Variants in HK1 observed in about 807,000 individuals in gnomAD.
The protein encoded by HK1 is hexokinase 1.
Under a neutral mutation model 91.6 loss-of-function variants are expected in HK1, and 28 were observed. The ratio of observed to expected loss-of-function variants is 0.31; its 90% CI spans 0.23 to 0.42. The LOEUF (loss-of-function observed/expected upper bound fraction) is 0.42. HK1 is among the 10% of genes least tolerant of loss of function. The pLI is 1.00. For synonymous variants in HK1, 430 were observed against 468.1 expected (o/e 0.92, Z 1.05); for missense variants, 770 against 1,219.8 (o/e 0.63, Z 5.49).
At chr10:69,398,486 C>G (rs1404225767) in intron 16 of HK1, 109 bp from the exon 17 acceptor site, 1 of 797,802 alleles carries the variant, frequency 1.3e-6, no homozygotes, top group Non-Finnish European at 2.1e-6. Flanking sequence ...TTGACTCTGT[C>G]TGTGGATGAG....
chr10:69,313,558 G>T (rs1209299916), upstream of HK1, among the ~76,000 whole-genome samples: 1 of 152,162 alleles, frequency 6.6e-6, no homozygotes, highest in Non-Finnish European at 1.5e-5. Context: ...TGCCTCCCGG[G>T]TTCAAGCGAT....
chr10:69,347,043 CT>C (rs776405511), intron 2 of HK1, among the ~76,000 whole-genome samples: 159 of 146,170 alleles, frequency 1.1e-3, no homozygotes, highest in African/African-American at 2.4e-3. Context: ...TTTTCTTTTC[CT>C]TTTTTTTTTT....
chr10:69,399,050 G>A (rs1840271436), intron 17 of HK1, among the ~76,000 whole-genome samples: 1 of 152,208 alleles, frequency 6.6e-6, no homozygotes, highest in African/African-American at 2.4e-5. Flanking sequence ...CACTTGGCCA[G>A]CTCACACCAG....
intron 2 of HK1, among the ~76,000 whole-genome samples, chr10:69,287,756 G>A (rs942585958): frequency 1.3e-5 from 2 of 152,108 alleles, no homozygotes; most frequent in Non-Finnish European, 2.9e-5. Context: ...TTTGGTATGT[G>A]AGTTATAGCT....
rs1199449576 is a variant in HK1 at position 69,380,291 on chromosome 10, C to T, written c.1265+196C>T. On this transcript the variant is annotated intron_variant, in intron 9 of 17. Transcript: ENST00000359426. The surrounding 1 kb of genome is among the most constrained non-coding windows in gnomAD (Gnocchi z 4.0). ...GGAAGGAGTTTGAGAACAGCCTGGG[C>T]AACATAGTAAGACCTCATCTTTACG... 6.6e-6 allele frequency among the ~76,000 whole-genome samples: 1 copy of T among 151,990 alleles called. No individual in the cohort carries two copies. Among genetic ancestry groups the T allele is most frequent in the Non-Finnish European group, 1.5e-5 (1 of 67,994 alleles).
At chr10:69,326,194 A>C (rs1847366079) in intron 1 of HK1, among the ~76,000 whole-genome samples, 1 of 150,552 alleles carries the variant, frequency 6.6e-6, no homozygotes, top group Admixed American at 6.6e-5. Flanking sequence ...CGTGAGTGTC[A>C]TGTCGGGTAT....
chr10:69,299,948 C>T (rs1035976857), intron 4 of HK1, among the ~76,000 whole-genome samples: 1 of 151,638 alleles, frequency 6.6e-6, no homozygotes, highest in African/African-American at 2.4e-5. Context: ...GCCTCAGCCA[C>T]CGTACCCGGC....
chr10:69,361,402 TC>T (rs1192761300), intron 3 of HK1, among the ~76,000 whole-genome samples: 1 of 152,240 alleles, frequency 6.6e-6, no homozygotes, highest in Admixed American at 6.5e-5. Flanking sequence ...GCATTGCTTC[TC>T]CTTGCAGGTG....
chr10:69,356,983 A>T (rs1487016264), intron 2 of HK1, among the ~76,000 whole-genome samples: 4 of 152,194 alleles, frequency 2.6e-5, no homozygotes, highest in Non-Finnish European at 5.9e-5. Context: ...AGCACATAGA[A>T]ATGTACTCAA....
chr10:69,358,313 C>T (rs769893382), intron 2 of HK1, among the ~76,000 whole-genome samples: 46 of 152,170 alleles, frequency 3.0e-4, no homozygotes, highest in East Asian at 1.9e-4. Context: ...TGCCCATGGC[C>T]GCCTGCCTTT....
intron 1 of HK1, among the ~76,000 whole-genome samples, chr10:69,341,292 G>T (rs1475400210): frequency 6.6e-6 from 1 of 151,768 alleles, no homozygotes; most frequent in Non-Finnish European, 1.5e-5. Flanking sequence ...CTCCCGAGTA[G>T]CTGGGACTAC....
At position 69,305,193 on chromosome 10, in the gene HK1, G is replaced by A. The variant is rs150044535; in HGVS notation, c.27+4332G>A. Among the ~76,000 whole-genome samples the A allele has an allele frequency of 2.8e-3, 420 of 152,308 alleles. 1 individual carries two copies. The highest frequency in any genetic ancestry group is 9.6e-3 in the African/African-American group (397 of 41,562). On this transcript the variant is annotated intron_variant, in intron 5 of 21. Coordinates refer to the HK1 transcript ENST00000360289. ...GTCAGCGGGAAGGAGGAATGGCAAA[G>A]AAGCAGGAAAGCCACAGAATAGCTG...
intron 5 of HK1, among the ~76,000 whole-genome samples, chr10:69,310,503 A>G (rs1171024352): frequency 1.3e-5 from 2 of 151,926 alleles, no homozygotes; most frequent in Non-Finnish European, 2.9e-5. Context: ...TAACTTGCTG[A>G]CCCATGTCAT....
intron 1 of HK1, among the ~76,000 whole-genome samples, chr10:69,331,118 G>A (rs527876916): frequency 3.2e-4 from 49 of 152,214 alleles, no homozygotes; most frequent in African/African-American, 1.2e-3. Context: ...GGCCTCAAGT[G>A]ATCTGCCCGC....
chr10:69,382,494 C>T lies in HK1; in HGVS notation c.1273C>T (p.Arg425Trp), dbSNP rs758179223. ...CCCCCCTGCCCCCATAAGGTATTCCCGGCGTTTCCACAAGACTCTAAGGCG... is the reference window on the plus strand; with the variant it reads ...CCCCCCTGCCCCCATAAGGTATTCCTGGCGTTTCCACAAGACTCTAAGGCG... ...SLYKTHPQYS[R>W]RFHKTLRRLV... Residue 425 changes from arginine to tryptophan, a missense_variant, in exon 10 of 18, where the codon CGG (arginine) becomes TGG (tryptophan). Arg to Trp is a moderately radical substitution (Grantham distance 101). Around this residue, in one of 7 missense-constraint regions of HK1, gnomAD observed 449 missense variants for 665.1 expected, o/e 0.68. Coordinates refer to ENST00000359426, the MANE Select transcript of HK1 (RefSeq NM_000188.3). The T allele has an allele frequency of 5.6e-6, 9 of 1,614,070 alleles. No individual in the cohort carries two copies. The highest frequency in any genetic ancestry group is 1.7e-5 in the Admixed American group (1 of 60,010).
chr10:69,283,573 G>A (rs1844871402), intron 2 of HK1, among the ~76,000 whole-genome samples: 1 of 151,530 alleles, frequency 6.6e-6, no homozygotes, highest in African/African-American at 2.4e-5. Flanking sequence ...TTGAGGTCAG[G>A]AGTTCGAGAC....
chr10:69,380,361 G>A lies in HK1; in HGVS notation c.1265+266G>A, dbSNP rs1422541119. ...ATAGATAAATAACATGCTTAGTTCT[G>A]GGCATAAGGTCAGCGTCGCCCCCTT... On this transcript the variant is annotated intron_variant, in intron 9 of 17. Coordinates refer to ENST00000359426, the MANE Select transcript of HK1 (RefSeq NM_000188.3). The surrounding 1 kb of genome is among the most constrained non-coding windows in gnomAD (Gnocchi z 4.0). 6.6e-6 allele frequency among the ~76,000 whole-genome samples: 1 copy of A among 152,158 alleles called. No individual in the cohort carries two copies. The highest frequency in any genetic ancestry group is 1.5e-5 in the Non-Finnish European group (1 of 68,026).
At chr10:69,379,723 A>T in intron 8 of HK1, 139 bp from the exon 9 acceptor site, 1 of 750,054 alleles carries the variant, frequency 1.3e-6, no homozygotes, top group Non-Finnish European at 2.4e-6. Context: ...CAGGCATTTG[A>T]CAGTCTTCAT....
rs1045363220 is a variant in HK1 at position 69,380,606 on chromosome 10, A to G, written c.1265+511A>G. ...TCCTGTTAAAACCCCCCAAACCCTCAGACTTTACTTTTTTAAATGGGCAGC... is the reference window on the plus strand; with the variant it reads ...TCCTGTTAAAACCCCCCAAACCCTCGGACTTTACTTTTTTAAATGGGCAGC... On this transcript the variant is annotated intron_variant, in intron 9 of 17. Coordinates refer to ENST00000359426, the MANE Select transcript of HK1 (RefSeq NM_000188.3). The surrounding 1 kb of genome is among the most constrained non-coding windows in gnomAD (Gnocchi z 4.0). 5.9e-5 allele frequency among the ~76,000 whole-genome samples: 9 copies of G among 152,100 alleles called. No individual in the cohort carries two copies. The highest frequency in any genetic ancestry group is 4.6e-4 in the Admixed American group (7 of 15,270).
Sources: gnomAD v4.1 joint callset for allele counts (sites outside exome capture counted in the v4.1 genomes callset) on GRCh38, gnomAD v4.1.1 for gene constraint, gnomAD v4.1.1 regional missense constraint, Gnocchi (gnomAD v3.1) non-coding constraint, MANE v1.5 for transcripts, NCBI Gene and HGNC (gene_info 2026-07-23, HGNC 2026-07-21) for gene names.